Variants in SOX30 observed in about 807,000 individuals in gnomAD.
SOX30 encodes the protein transcription factor SOX-30.
A neutral mutation model predicts 58.6 loss-of-function variants in SOX30; 17 were observed. The ratio of observed to expected loss-of-function variants is 0.29; its 90% CI spans 0.20 to 0.44. The LOEUF is 0.44. SOX30 is among the 20% of genes least tolerant of loss of function. The probability of loss-of-function intolerance (pLI) is 1.00; values close to 1 mark genes in which losing one functional copy is unlikely to be tolerated. For missense variants in SOX30, 951 were observed against 965.8 expected (o/e 0.98, Z 0.20); for synonymous variants, 421 against 400.2 (o/e 1.05, Z -0.62).
intron 3 of SOX30, among the ~76,000 whole-genome samples, chr5:157,642,316 A>C (rs1759083577): frequency 1.6e-5 from 1 of 64,330 alleles, no homozygotes; most frequent in Admixed American, 1.3e-4. Flanking sequence ...ATTCCCTCTC[A>C]AAAAAAAAAA....
intron 4 of SOX30, 47 bp downstream of exon 4, chr5:157,638,183 C>T (rs774897642): frequency 6.7e-7 from 1 of 1,489,224 alleles, no homozygotes; most frequent in Admixed American, 2.3e-5. Context: ...CAGGTAAAAA[C>T]TCATTAGCTG....
At chr5:157,631,047 T>TTATATATATATATATATATATTTTA in intron 4 of SOX30, among the ~76,000 whole-genome samples, 1 of 53,280 alleles carries the variant, frequency 1.9e-5, no homozygotes, top group South Asian at 7.7e-4. Flanking sequence ...TATATATATT[T>TTATATATATATATATATATATTTTA]TATATATATA....
chr5:157,638,661 T>C lies in SOX30; in HGVS notation c.1449A>G (p.Thr483=), dbSNP rs745638353. 4.3e-6 allele frequency: 7 copies of C among 1,614,104 alleles called. No individual in the cohort carries two copies. In the Admixed American group the frequency reaches 6.7e-5, roughly 15 times the overall value. ...CACTGGAGACGCTGGGCTGGAAAAG[T>C]GTGACAGGGCTTGGGCTCTGGACTG... ...TPAVQSPSPV[T]LFQPSVSSAA... Residue 483 remains threonine, a synonymous_variant, in exon 4 of 5, where the codon ACA becomes ACG. Transcript: ENST00000265007.
intron 2 of SOX30, 27 bp from the exon 3 acceptor site, chr5:157,646,843 G>A: frequency 1.9e-6 from 3 of 1,543,664 alleles, no homozygotes; most frequent in Admixed American, 1.8e-5. Context: ...ATGTTTAAAT[G>A]TGTAGACTCC....
At chr5:157,636,888 G>A (rs539176891) in intron 4 of SOX30, among the ~76,000 whole-genome samples, 109 of 152,272 alleles carry the variant, frequency 7.2e-4, no homozygotes, top group African/African-American at 2.4e-3. Context: ...AGCACCTTGG[G>A]AGGCCGAGAT....
At chr5:157,667,971 G>A in intron 1 of SOX30, 1 of 1,171,544 alleles carries the variant, frequency 8.5e-7, no homozygotes, top group East Asian at 2.6e-5. Context: ...CTATCTTACA[G>A]GCAAGAAAAC....
At chr5:157,631,491 T>C (rs909263071) in intron 4 of SOX30, among the ~76,000 whole-genome samples, 9 of 152,212 alleles carry the variant, frequency 5.9e-5, no homozygotes, top group African/African-American at 2.2e-4. Flanking sequence ...CTGGGCGCGG[T>C]GGCTCACGCC....
Position 157,626,518 on chromosome 5 carries a change from G to T in SOX30, c.2084C>A (p.Ser695Tyr). 1 of 1,614,192 alleles carries T rather than the reference G, an allele frequency of 6.2e-7. No homozygotes were observed. Among genetic ancestry groups the T allele is most frequent in the Non-Finnish European group, 8.5e-7 (1 of 1,180,048 alleles). ...ACTGTGGCTATGACTGTTATAGTAA[G>T]AAGTTCCATTCATGTTCTCACAACT... is the stretch of plus-strand genomic sequence containing the variant. ...SRSCENMNGT[S>Y]YYNSHSHSGE... The change falls in exon 5 of 5, where the codon TCT becomes TAT. Residue 695 changes from serine (S) to tyrosine (Y), a missense_variant. Ser to Tyr is a moderately radical substitution (Grantham distance 144). Transcript: ENST00000265007.
intron 3 of SOX30, among the ~76,000 whole-genome samples, chr5:157,645,094 G>T (rs1581397055): frequency 6.6e-6 from 1 of 152,198 alleles, no homozygotes; most frequent in East Asian, 1.9e-4. Flanking sequence ...AAGACTGAGA[G>T]TGCCTGCCTG....
In SOX30 at chr5:157,651,364, T is replaced by G; in HGVS notation, c.715A>C (p.Ser239Arg). The stretch of plus-strand genomic sequence containing the variant: ...GTTGGGGCCAAGATGACCTCCGCGC[T>G]GCCATGAACCAGGCCATTGGACGCG... The part of the protein sequence containing the change: ...EPASNGLVHG[S>R]AEVILAPTSG... The change falls in exon 1 of 5, where the codon AGC becomes CGC. Residue 239 changes from serine to arginine, a missense_variant. By Grantham distance (110) the Ser-to-Arg change is moderately radical (BLOSUM62 -1). Around this residue, in one of 7 missense-constraint regions of SOX30, gnomAD observed 84 missense variants for 68.2 expected, o/e 1.23. Transcript: ENST00000265007. 6.2e-7 allele frequency: 1 copy of G among 1,613,782 alleles called. No homozygotes were observed. Among genetic ancestry groups the G allele is most frequent in the Non-Finnish European group, 8.5e-7 (1 of 1,180,030 alleles).
rs527302375 is a variant in SOX30 at position 157,644,836 on chromosome 5, A to G, written c.1387+1801T>C. ...TCTCTACTAAAAATACAAAAATTAG[A>G]TGGGCATGGTGGTGTGCACCTGTAG... On this transcript the variant is annotated intron_variant, in intron 3 of 4. Coordinates refer to ENST00000265007, the MANE Select transcript of SOX30 (RefSeq NM_178424.2). 2.0e-5 allele frequency among the ~76,000 whole-genome samples: 3 copies of G among 152,006 alleles called. No homozygotes were observed. In the South Asian group the frequency reaches 6.2e-4, roughly 32 times the overall value.
rs1758648635 is a variant in SOX30 at position 157,626,273 on chromosome 5, TC to T, written c.*66del. 7.4e-7 allele frequency: 1 copy of T among 1,351,296 alleles called. No individual in the cohort carries two copies. Among genetic ancestry groups the T allele is most frequent in the African/African-American group, 1.5e-5 (1 of 67,848 alleles). The allele number at this position is 1,351,296 out of a possible 1,614,324, so 83.7% of individuals were successfully genotyped here. On this transcript the variant is annotated 3_prime_UTR_variant, in exon 5 of 5. Coordinates refer to ENST00000265007, the MANE Select transcript of SOX30 (RefSeq NM_178424.2). ...ACAAAGAATTCTAGGCTTTTTTTTT[TC>T]TCATACCAACTGACCCAGAATATAT...
At chr5:157,641,538 G>C (rs1307691628) in intron 3 of SOX30, among the ~76,000 whole-genome samples, 2 of 152,098 alleles carry the variant, frequency 1.3e-5, no homozygotes, top group African/African-American at 4.8e-5. Context: ...GCTTAAACCT[G>C]GTAGGTGGAG....
chr5:157,657,384 ATTG>A (rs1460328889), upstream of SOX30, among the ~76,000 whole-genome samples: 7 of 152,192 alleles, frequency 4.6e-5, no homozygotes, highest in Admixed American at 2.0e-4. Context: ...TCCACACACA[ATTG>A]TTGTCTTTTA....
At chr5:157,635,759 C>T (rs1329016539) in intron 4 of SOX30, among the ~76,000 whole-genome samples, 1 of 152,302 alleles carries the variant, frequency 6.6e-6, no homozygotes, top group Admixed American at 6.5e-5. Flanking sequence ...AGATAGACTT[C>T]TATGATTTAA....
intron 2 of SOX30, among the ~76,000 whole-genome samples, chr5:157,660,195 A>C (rs1759552949): frequency 6.6e-6 from 1 of 152,240 alleles, no homozygotes; most frequent in African/African-American, 2.4e-5. Context: ...CTGAGGCAAA[A>C]GTATTGCTTG....
intron 2 of SOX30, among the ~76,000 whole-genome samples, chr5:157,648,097 A>G (rs1759239833): frequency 6.6e-6 from 1 of 152,162 alleles, no homozygotes; most frequent in South Asian, 2.1e-4. Context: ...CCTTGCACAG[A>G]CATGCTGGCC....
In SOX30 at chr5:157,626,414, G is replaced by T; in HGVS notation, c.2188C>A (p.Pro730Thr). 1 of 1,614,108 alleles carries T rather than the reference G, an allele frequency of 6.2e-7. No individual in the cohort carries two copies. Among genetic ancestry groups the T allele is most frequent in the Non-Finnish European group, 8.5e-7 (1 of 1,180,024 alleles). Residue 730 changes from proline (P) to threonine (T), a missense_variant, in exon 5 of 5, where the codon CCT becomes ACT. Around this residue, in one of 7 missense-constraint regions of SOX30, gnomAD observed 381 missense variants for 390.0 expected, o/e 0.98. Transcript: ENST00000265007. ...ENVFTAPTSTPSSIQQVNVTD... is the reference protein window; with the variant it reads ...ENVFTAPTSTTSSIQQVNVTD... The stretch of plus-strand genomic sequence containing the variant: ...ACATTGACTTGCTGGATGCTAGAAG[G>T]AGTTGATGTCGGGGCTGTGAAGACA...
Position 157,626,408 on chromosome 5 carries a change from T to C in SOX30, c.2194A>G (p.Ser732Gly). Residue 732 changes from serine (S) to glycine (G), a missense_variant, in exon 5 of 5, where the codon AGC becomes GGC. By Grantham distance (56) the Ser-to-Gly change is moderately conservative (BLOSUM62 0). Coordinates refer to ENST00000265007, the MANE Select transcript of SOX30 (RefSeq NM_178424.2). ...TCGGTGACATTGACTTGCTGGATGC[T>C]AGAAGGAGTTGATGTCGGGGCTGTG... is the stretch of plus-strand genomic sequence containing the variant. ...VFTAPTSTPS[S>G]IQQVNVTDSD... 1.9e-6 allele frequency: 3 copies of C among 1,614,186 alleles called. No individual in the cohort carries two copies. The highest frequency in any genetic ancestry group is 2.5e-6 in the Non-Finnish European group (3 of 1,180,028).
Sources: gnomAD v4.1 joint callset for allele counts (sites outside exome capture counted in the v4.1 genomes callset) on GRCh38, gnomAD v4.1.1 for gene constraint, gnomAD v4.1.1 regional missense constraint, MANE v1.5 for transcripts, NCBI Gene and HGNC (gene_info 2026-07-23, HGNC 2026-07-21) for gene names.